Variants in RNLS observed in about 807,000 individuals in gnomAD.
The protein encoded by RNLS is renalase, FAD dependent amine oxidase.
RNLS carries 39 observed loss-of-function variants against 39.8 expected under a neutral mutation model. The observed-to-expected ratio is 0.98, with a 90% CI of 0.76 to 1.28. The LOEUF is 1.28. Among genes scored for constraint, RNLS ranks in the 50% most tolerant of loss-of-function variants. The pLI is 0.00. For missense variants in RNLS, 410 were observed against 413.3 expected, an observed-to-expected ratio of 0.99 and a Z score of 0.07; for synonymous variants, 147 against 150.7, an observed-to-expected ratio of 0.98 and a Z score of 0.18.
In RNLS at chr10:88,564,805, G is replaced by A. The variant is rs118023370; in HGVS notation, c.526+8098C>T. Among the ~76,000 whole-genome samples the A allele has an allele frequency of 7.0e-3, 1,062 of 152,208 alleles. 3 individuals carry two copies. The highest frequency in any genetic ancestry group is 0.01 in the Non-Finnish European group (711 of 67,976). On this transcript the variant is annotated intron_variant, in intron 4 of 6. Coordinates refer to ENST00000331772, the MANE Select transcript of RNLS (RefSeq NM_001031709.3). Reference sequence around the variant, plus strand: ...TGAGGTTTCTCTATTCTCCCAGCTGGGAGGAAGTTTAATAAATGTAATAAA... The same window carrying A: ...TGAGGTTTCTCTATTCTCCCAGCTGAGAGGAAGTTTAATAAATGTAATAAA...
At chr10:88,558,022 A>T (rs958912100) in intron 4 of RNLS, among the ~76,000 whole-genome samples, 3 of 152,126 alleles carry the variant, frequency 2.0e-5, no homozygotes, top group African/African-American at 7.2e-5. Context: ...TAAGGGGGAA[A>T]CTTTCCTTCT....
intron 4 of RNLS, among the ~76,000 whole-genome samples, chr10:88,498,414 A>C (rs1191188560): frequency 6.6e-6 from 1 of 151,524 alleles, no homozygotes; most frequent in African/African-American, 2.4e-5. Context: ...AGACCAAGGA[A>C]TAGTTCTAGA....
At chr10:88,400,266 A>G (rs2433340) in intron 4 of RNLS, among the ~76,000 whole-genome samples, 98,228 of 151,844 alleles carry the variant, frequency 0.65, 32,162 homozygotes, top group African/African-American at 0.75. Flanking sequence ...AAAATTACCA[A>G]TCTACAAGAT....
intron 5 of RNLS, among the ~76,000 whole-genome samples, chr10:88,317,495 A>G (rs1223439445): frequency 6.6e-6 from 1 of 152,246 alleles, no homozygotes; most frequent in Non-Finnish European, 1.5e-5. Context: ...TGATCATTAC[A>G]TCAACACCCC....
At chr10:88,259,934 G>GT in the RNLS span, among the ~76,000 whole-genome samples, 1 of 152,086 alleles carries the variant, frequency 6.6e-6, no homozygotes, top group South Asian at 2.1e-4. Context: ...TAGAGACGGG[G>GT]TTTCACCATG....
At chr10:88,271,889 A>T (rs1471703479), downstream of RNLS, among the ~76,000 whole-genome samples, 5 of 152,176 alleles carry the variant, frequency 3.3e-5, no homozygotes, top group East Asian at 9.6e-4. Context: ...TGCGGCTCTA[A>T]CTCTGCCACG....
chr10:88,498,339 T>C (rs1263967802), intron 4 of RNLS, among the ~76,000 whole-genome samples: 1 of 151,746 alleles, frequency 6.6e-6, no homozygotes, highest in Non-Finnish European at 1.5e-5. Context: ...AAGGGCAACT[T>C]TGGATTAAAA....
intron 4 of RNLS, among the ~76,000 whole-genome samples, chr10:88,477,007 G>C (rs1402933578): frequency 1.4e-5 from 2 of 146,634 alleles, no homozygotes; most frequent in African/African-American, 4.9e-5. Context: ...AGCGATAATA[G>C]TGTGGCCTTT....
chr10:88,513,449 A>G (rs1846248582), intron 4 of RNLS, among the ~76,000 whole-genome samples: 1 of 152,146 alleles, frequency 6.6e-6, no homozygotes, highest in African/African-American at 2.4e-5. Flanking sequence ...AAATAATTTT[A>G]TATTAAACAC....
intron 5 of RNLS, among the ~76,000 whole-genome samples, chr10:88,322,558 T>A (rs1043881545): frequency 1.6e-4 from 25 of 152,180 alleles, no homozygotes; most frequent in Non-Finnish European, 1.6e-4. Flanking sequence ...TGTGCTGCCA[T>A]GTAAGAAGTG....
In RNLS at chr10:88,583,119, C is replaced by G; in HGVS notation, c.72G>C (p.Thr24=). 6.2e-7 allele frequency: 1 copy of G among 1,614,140 alleles called. No homozygotes were observed. The highest frequency in any genetic ancestry group is 2.2e-5 in the East Asian group (1 of 44,876). Residue 24 remains threonine, a synonymous_variant, in exon 1 of 7, where the codon ACG becomes ACC. Coordinates refer to ENST00000331772, the MANE Select transcript of RNLS (RefSeq NM_001031709.3). ...ACACAGCAAGGTACAAGGGACCGGACGTCTGCCTCCTCAGCAGCGCAGCGC... is the reference window on the plus strand; with the variant it reads ...ACACAGCAAGGTACAAGGGACCGGAGGTCTGCCTCCTCAGCAGCGCAGCGC... ...SLCAALLRRQ[T]SGPLYLAVWD...
chr10:88,356,403 G>T (rs779181233), intron 5 of RNLS, among the ~76,000 whole-genome samples: 1 of 152,184 alleles, frequency 6.6e-6, no homozygotes, highest in Non-Finnish European at 1.5e-5. Flanking sequence ...GTGTTATAAA[G>T]TTCACGGCTA....
chr10:88,458,017 C>G (rs1157892283), intron 4 of RNLS, among the ~76,000 whole-genome samples: 8 of 152,208 alleles, frequency 5.3e-5, no homozygotes, highest in Admixed American at 4.6e-4. Flanking sequence ...ATTTAATATA[C>G]ACCCTTAAGC....
intron 4 of RNLS, among the ~76,000 whole-genome samples, chr10:88,548,080 G>A (rs890227739): frequency 6.6e-6 from 1 of 150,990 alleles, no homozygotes; most frequent in Non-Finnish European, 1.5e-5. Context: ...TGGGGAACGC[G>A]GTGAAACCCC....
At chr10:88,457,685 G>A (rs929409925) in intron 4 of RNLS, among the ~76,000 whole-genome samples, 1 of 152,208 alleles carries the variant, frequency 6.6e-6, no homozygotes, top group Non-Finnish European at 1.5e-5. Context: ...CTCAGACCCA[G>A]GAGGTGCATT....
At chr10:88,387,303 A>G (rs1851921463) in intron 4 of RNLS, among the ~76,000 whole-genome samples, 1 of 152,166 alleles carries the variant, frequency 6.6e-6, no homozygotes, top group African/African-American at 2.4e-5. Context: ...TTTTAGAAGT[A>G]GACCTGAAGC....
chr10:88,347,692 CCACAAAGTA>C (rs1209291484), intron 5 of RNLS, among the ~76,000 whole-genome samples: 1 of 152,100 alleles, frequency 6.6e-6, no homozygotes, highest in African/African-American at 2.4e-5. Flanking sequence ...TGTGGGAGGG[CCACAAAGTA>C]AACTAAACAG....
At chr10:88,188,487 A>G in the RNLS span, among the ~76,000 whole-genome samples, 1 of 152,236 alleles carries the variant, frequency 6.6e-6, no homozygotes, top group African/African-American at 2.4e-5. Context: ...CAAGCAGACT[A>G]TTATACTACA....
At chr10:88,207,610 TA>T in the RNLS span, among the ~76,000 whole-genome samples, 26 of 152,152 alleles carry the variant, frequency 1.7e-4, no homozygotes, top group African/African-American at 6.0e-4. Context: ...GAAAAGTTGA[TA>T]AAGCTTATGT....
Sources: allele counts gnomAD v4.1 joint callset (sites outside exome capture counted in the v4.1 genomes callset), GRCh38; gene constraint gnomAD v4.1.1; transcripts MANE v1.5; gene names NCBI Gene and HGNC (gene_info 2026-07-23, HGNC 2026-07-21).